Variants in RAPGEF6 observed in about 807,000 individuals in gnomAD.
RAPGEF6 encodes Rap guanine nucleotide exchange factor 6, also known as PDZ domain containing guanine nucleotide exchange factor (GEF) 2.
Under a neutral mutation model 171.4 loss-of-function variants are expected in RAPGEF6, and 56 were observed. The ratio of observed to expected loss-of-function variants is 0.33; its 90% CI spans 0.26 to 0.41. RAPGEF6 has a LOEUF of 0.41. Ranked by LOEUF, RAPGEF6 falls within the 10% of genes least tolerant of loss-of-function variation. The pLI is 1.00. For missense variants in RAPGEF6, 1,674 were observed against 1,921.4 expected (o/e 0.87, Z 2.41); for synonymous variants, 692 against 650.1 (o/e 1.06, Z -0.98).
At chr5:131,537,433 A>T (rs1315412926) in intron 6 of RAPGEF6, among the ~76,000 whole-genome samples, 1 of 152,204 alleles carries the variant, frequency 6.6e-6, no homozygotes, top group Non-Finnish European at 1.5e-5. Context: ...TAGAAACTTA[A>T]AATAATTTTC....
intron 20 of RAPGEF6, among the ~76,000 whole-genome samples, chr5:131,455,167 C>T (rs1753391306): frequency 1.3e-5 from 2 of 152,186 alleles, no homozygotes; most frequent in Non-Finnish European, 2.9e-5. Context: ...AGTAAATATA[C>T]AGGCAAGGTT....
In RAPGEF6 at chr5:131,624,385, T is replaced by G. The variant is rs1419939595; in HGVS notation, c.69+10577A>C. Among the ~76,000 whole-genome samples, 6 of 152,150 alleles carry G rather than the reference T, an allele frequency of 3.9e-5. No individual in the cohort carries two copies. In the East Asian group the frequency reaches 1.2e-3, roughly 29 times the overall value. On this transcript the variant is annotated intron_variant, in intron 1 of 27. Coordinates refer to ENST00000509018, the MANE Select transcript of RAPGEF6 (RefSeq NM_016340.6). ...GATTTTAGTGTCAGGATATAAAGGA[T>G]AGATAATCAGATGACTAGCAAGGAA...
intron 1 of RAPGEF6, among the ~76,000 whole-genome samples, chr5:131,609,021 G>C (rs1263975717): frequency 1.3e-5 from 2 of 152,232 alleles, no homozygotes; most frequent in East Asian, 3.9e-4. Flanking sequence ...GAACTCCTGG[G>C]CTCAAGCAAT....
chr5:131,548,539 A>G (rs1760702928), intron 5 of RAPGEF6, among the ~76,000 whole-genome samples: 1 of 152,240 alleles, frequency 6.6e-6, no homozygotes, highest in Admixed American at 6.5e-5. Context: ...TTATACACAT[A>G]TTTTACTTAG....
rs536743618 is a variant in RAPGEF6, at chr5:131,610,018, A to G, written c.70-5325T>C. The stretch of plus-strand genomic sequence containing the variant: ...AGCAACTGGCCTCACAGAACGCTGT[A>G]ATAACCTTATAAAGGCATAGCTGAA... On this transcript the variant is annotated intron_variant, in intron 1 of 27. Transcript: ENST00000509018. 2.6e-5 allele frequency among the ~76,000 whole-genome samples: 4 copies of G among 152,364 alleles called. No homozygotes were observed. In the South Asian group the frequency reaches 8.3e-4, roughly 32 times the overall value.
chr5:131,445,345 CTTTT>C (rs1485680883), intron 22 of RAPGEF6, among the ~76,000 whole-genome samples: 7 of 152,114 alleles, frequency 4.6e-5, no homozygotes, highest in Admixed American at 3.9e-4. Context: ...TCTATTCTTT[CTTTT>C]GACATACTTT....
chr5:131,597,904 G>A (rs1763994831), intron 3 of RAPGEF6, among the ~76,000 whole-genome samples: 1 of 152,132 alleles, frequency 6.6e-6, no homozygotes, highest in East Asian at 1.9e-4. Context: ...ATGAGGTGAT[G>A]GATATGCTAA....
chr5:131,509,097 A>G (rs1451162289), intron 8 of RAPGEF6, among the ~76,000 whole-genome samples: 1 of 152,194 alleles, frequency 6.6e-6, no homozygotes, highest in Non-Finnish European at 1.5e-5. Flanking sequence ...TCTAAGAAAA[A>G]AATCTTAATT....
chr5:131,563,940 T>A (rs890240821), intron 4 of RAPGEF6, among the ~76,000 whole-genome samples: 1 of 152,112 alleles, frequency 6.6e-6, no homozygotes, highest in African/African-American at 2.4e-5. Flanking sequence ...CTGGGTTTAC[T>A]CTCCCACCTG....
intron 7 of RAPGEF6, among the ~76,000 whole-genome samples, chr5:131,516,140 G>A (rs1171873306): frequency 1.5e-5 from 2 of 132,384 alleles, no homozygotes; most frequent in Non-Finnish European, 3.1e-5. Context: ...CCAGGCTGGA[G>A]TGCAGTGGTG....
intron 17 of RAPGEF6, 26 bp from the exon 18 acceptor site, chr5:131,464,307 G>C: frequency 1.3e-6 from 2 of 1,587,768 alleles, no homozygotes; most frequent in Non-Finnish European, 1.7e-6. Context: ...GATATGCTTT[G>C]TTATTTTTTA....
At chr5:131,543,879 G>A (rs1482192638) in intron 6 of RAPGEF6, among the ~76,000 whole-genome samples, 1 of 152,020 alleles carries the variant, frequency 6.6e-6, no homozygotes, top group Non-Finnish European at 1.5e-5. Context: ...ATTTAAATTT[G>A]TTGCAAACTT....
intron 6 of RAPGEF6, among the ~76,000 whole-genome samples, chr5:131,524,162 G>A (rs1255957380): frequency 6.6e-6 from 1 of 152,184 alleles, no homozygotes; most frequent in Non-Finnish European, 1.5e-5. Context: ...AATGACTCCA[G>A]ATGGAAGCTT....
chr5:131,428,420 T>C (rs1751498784), intron 27 of RAPGEF6, among the ~76,000 whole-genome samples: 1 of 150,848 alleles, frequency 6.6e-6, no homozygotes, highest in Admixed American at 6.6e-5. Context: ...TCTTGAAAAA[T>C]AAAACAAAAC....
intron 24 of RAPGEF6, 111 bp downstream of exon 24, chr5:131,439,470 G>A: frequency 7.0e-7 from 1 of 1,437,692 alleles, no homozygotes; most frequent in Admixed American, 2.8e-5. Context: ...AGCATTAGGA[G>A]TTATGCTTTT....
chr5:131,451,589 C>A (rs543880629), intron 21 of RAPGEF6, among the ~76,000 whole-genome samples: 77 of 151,966 alleles, frequency 5.1e-4, no homozygotes, highest in African/African-American at 1.6e-3. Flanking sequence ...GAGACCCTGT[C>A]TCAAAAACAA....
intron 5 of RAPGEF6, among the ~76,000 whole-genome samples, chr5:131,549,027 G>A (rs976782909): frequency 6.6e-5 from 10 of 151,900 alleles, no homozygotes; most frequent in Non-Finnish European, 1.2e-4. Flanking sequence ...CTGCACAACT[G>A]CACTCCAGCC....
At chr5:131,612,621 A>C (rs1167656199) in intron 1 of RAPGEF6, among the ~76,000 whole-genome samples, 1 of 152,120 alleles carries the variant, frequency 6.6e-6, no homozygotes, top group African/African-American at 2.4e-5. Flanking sequence ...ATGTGCTTGT[A>C]ATTTTTGACA....
intron 6 of RAPGEF6, among the ~76,000 whole-genome samples, chr5:131,536,678 A>C (rs2149933078): frequency 6.6e-6 from 1 of 152,246 alleles, no homozygotes; most frequent in African/African-American, 2.4e-5. Context: ...CTATAATTAG[A>C]ATCAGTGAAA....
Sources: gnomAD v4.1 joint callset for allele counts (sites outside exome capture counted in the v4.1 genomes callset) on GRCh38, gnomAD v4.1.1 for gene constraint, MANE v1.5 for transcripts, NCBI Gene and HGNC (gene_info 2026-07-23, HGNC 2026-07-21) for gene names.